Variants in PCDHA13 observed in about 807,000 individuals in gnomAD.
PCDHA13 encodes the protein protocadherin alpha-13.
In PCDHA13, 54 loss-of-function variants were observed where a neutral mutation model predicts 64.8. That is an observed-to-expected ratio of 0.83 (90% confidence interval 0.67 to 1.04). The LOEUF is 1.04. PCDHA13 is among the 50% of genes least tolerant of loss of function. The pLI is 0.00. For synonymous variants in PCDHA13, 587 were observed against 564.4 expected (o/e 1.04, Z -0.57); for missense variants, 1,248 against 1,254.3 (o/e 0.99, Z 0.08).
Position 141,010,227 on chromosome 5 carries a change from C to T in PCDHA13, c.*290C>T. 6.4e-7 allele frequency: 1 copy of T among 1,551,876 alleles called. No homozygotes were observed. The highest frequency in any genetic ancestry group is 8.7e-7 in the Non-Finnish European group (1 of 1,147,036). On this transcript the variant is annotated 3_prime_UTR_variant, in exon 4 of 4. Coordinates refer to ENST00000289272, the MANE Select transcript of PCDHA13 (RefSeq NM_018904.3). ...GCCGCAAAGGAGAGGCTTCCCAGCC[C>T]CGCCAGTGAGAGGTTGGACTCTCTG...
Position 141,010,368 on chromosome 5 carries a change from C to G in PCDHA13, c.*431C>G, listed in dbSNP as rs368481822. 3,124 of 1,471,046 alleles carry G rather than the reference C, an allele frequency of 2.1e-3. 5 individuals are homozygous for G. Among genetic ancestry groups the G allele is most frequent in the Middle Eastern group, 8.7e-3 (36 of 4,144 alleles). The allele number at this position is 1,471,046 out of a possible 1,614,324, so 91.1% of individuals were successfully genotyped here. A position where few individuals can be genotyped will look rare whatever the true frequency, so the allele number is the denominator to read the frequency against. On this transcript the variant is annotated 3_prime_UTR_variant, in exon 4 of 4. Coordinates refer to ENST00000289272, the MANE Select transcript of PCDHA13 (RefSeq NM_018904.3). ...GGTATGTGTGGCTACCGCGGGTATG[C>G]GAGTGCCAGATATTGGCTGAGACGA...
chr5:140,993,177 C>A lies in PCDHA13; in HGVS notation c.2542+10614C>A, dbSNP rs551395516. ...CTAAATATTTGCCTTTGGGAAATTTCTTTAGAGGGAAACTCACTAAAGCTA... is the reference window on the plus strand; with the variant it reads ...CTAAATATTTGCCTTTGGGAAATTTATTTAGAGGGAAACTCACTAAAGCTA... On this transcript the variant is annotated intron_variant, in intron 3 of 3. Transcript: ENST00000289272. 6.6e-5 allele frequency among the ~76,000 whole-genome samples: 10 copies of A among 152,258 alleles called. No homozygotes were observed. In the East Asian group the frequency reaches 1.9e-3, roughly 29 times the overall value.
intron 1 of PCDHA13, chr5:140,926,635 C>A: frequency 2.3e-6 from 1 of 442,720 alleles, no homozygotes; most frequent in Non-Finnish European, 3.8e-6. Context: ...CTGCGCTCCT[C>A]AACACCCGGC....
chr5:141,008,072 T>G (rs1419103459), intron 3 of PCDHA13, among the ~76,000 whole-genome samples: 3 of 152,154 alleles, frequency 2.0e-5, no homozygotes, highest in African/African-American at 7.2e-5. Context: ...TAAGAACTTA[T>G]TGGGGTTATT....
At chr5:140,892,405 T>C (rs1224393895) in intron 1 of PCDHA13, among the ~76,000 whole-genome samples, 2 of 152,206 alleles carry the variant, frequency 1.3e-5, no homozygotes, top group African/African-American at 2.4e-5. Context: ...ATTTCAAGCT[T>C]CAGGTATTCT....
chr5:140,885,792 C>T (rs2060715375), intron 1 of PCDHA13, among the ~76,000 whole-genome samples: 1 of 151,834 alleles, frequency 6.6e-6, no homozygotes, highest in Non-Finnish European at 1.5e-5. Context: ...AGCATATTGT[C>T]ATATGTATTT....
In PCDHA13 at chr5:141,003,361, G is replaced by A. The variant is rs2098120892; in HGVS notation, c.2543-6266G>A. Among the ~76,000 whole-genome samples the A allele has an allele frequency of 5.9e-5, 9 of 152,298 alleles. No individual in the cohort carries two copies. The South Asian group carries it at 1.9e-3, about 32-fold the overall frequency. On this transcript the variant is annotated intron_variant, in intron 3 of 3. Coordinates refer to ENST00000289272, the MANE Select transcript of PCDHA13 (RefSeq NM_018904.3). ...TTTGTTTGCTCTGTCACCCAGGCTG[G>A]AGTGCAGTGGTGCAATCTCAGCTCA...
intron 1 of PCDHA13, among the ~76,000 whole-genome samples, chr5:140,918,244 T>C (rs1554198493): frequency 6.6e-6 from 1 of 152,236 alleles, no homozygotes; most frequent in South Asian, 2.1e-4. Flanking sequence ...TGATTTTGTA[T>C]GCTGAAACTT....
intron 3 of PCDHA13, among the ~76,000 whole-genome samples, chr5:140,990,233 G>A (rs782139012): frequency 5.3e-5 from 8 of 152,128 alleles, no homozygotes; most frequent in Non-Finnish European, 8.8e-5. Flanking sequence ...TGTAACTAGC[G>A]TTGTATTCCT....
chr5:140,936,798 T>C (rs2091152803), intron 1 of PCDHA13, among the ~76,000 whole-genome samples: 1 of 152,240 alleles, frequency 6.6e-6, no homozygotes, highest in Admixed American at 6.5e-5. Context: ...TGCTTCAAGA[T>C]TAACTTAGCT....
intron 3 of PCDHA13, among the ~76,000 whole-genome samples, chr5:140,988,254 T>G (rs910037234): frequency 6.6e-6 from 1 of 152,188 alleles, no homozygotes; most frequent in East Asian, 1.9e-4. Context: ...AGCTCCCGCC[T>G]GTGAGTATCC....
chr5:140,882,915 A>T lies in PCDHA13; in HGVS notation c.647A>T (p.Asp216Val). Reference sequence around the variant, plus strand: ...CATAGTTTATTACTGACAGCCAGTGATGGAGGTAAACCCGAGCTGACTGGC... The same window carrying T: ...CATAGTTTATTACTGACAGCCAGTGTTGGAGGTAAACCCGAGCTGACTGGC... ...QEHSLLLTAS[D>V]GGKPELTGTV... Residue 216 changes from aspartate (D) to valine (V), a missense_variant, in exon 1 of 4, where the codon GAT becomes GTT. Coordinates refer to ENST00000289272, the MANE Select transcript of PCDHA13 (RefSeq NM_018904.3). The T allele has an allele frequency of 6.2e-7, 1 of 1,614,228 alleles. No individual in the cohort carries two copies. Among genetic ancestry groups the T allele is most frequent in the Non-Finnish European group, 8.5e-7 (1 of 1,180,038 alleles).
At chr5:140,951,626 C>G (rs1182328214) in intron 1 of PCDHA13, among the ~76,000 whole-genome samples, 1 of 152,180 alleles carries the variant, frequency 6.6e-6, no homozygotes, top group East Asian at 1.9e-4. Context: ...AAGGGGGAAA[C>G]CTGCCCCATG....
intron 2 of PCDHA13, 157 bp from the exon 3 acceptor site, chr5:140,982,318 G>C (rs2096977750): frequency 6.6e-6 from 9 of 1,356,910 alleles, no homozygotes; most frequent in Non-Finnish European, 8.8e-6. Flanking sequence ...AGTTTATGCA[G>C]GGTGACTGCT....
At chr5:140,991,648 A>G (rs2097463830) in intron 3 of PCDHA13, among the ~76,000 whole-genome samples, 1 of 152,192 alleles carries the variant, frequency 6.6e-6, no homozygotes, top group Non-Finnish European at 1.5e-5. Context: ...GTTCATGACA[A>G]TTTAGGTTTG....
chr5:140,945,539 A>G (rs1233256432), intron 1 of PCDHA13, among the ~76,000 whole-genome samples: 1 of 152,052 alleles, frequency 6.6e-6, no homozygotes, highest in Non-Finnish European at 1.5e-5. Flanking sequence ...AAACATACAA[A>G]CAAAAAAATG....
At chr5:140,966,477 T>C in intron 1 of PCDHA13, 1 of 432,754 alleles carries the variant, frequency 2.3e-6, no homozygotes, top group Non-Finnish European at 4.0e-6. Context: ...TTCTGTTTCC[T>C]TTTCCCTCCC....
At chr5:140,987,318 A>C (rs148008812) in intron 3 of PCDHA13, among the ~76,000 whole-genome samples, 3,398 of 152,304 alleles carry the variant, frequency 0.022, 70 homozygotes, top group Admixed American at 0.058. Flanking sequence ...TGTACTGTGA[A>C]GTTTTAAGAA....
At chr5:141,009,217 G>T (rs1554262066) in intron 3 of PCDHA13, among the ~76,000 whole-genome samples, 1 of 152,234 alleles carries the variant, frequency 6.6e-6, no homozygotes, top group African/African-American at 2.4e-5. Flanking sequence ...CACTTTGGGA[G>T]GCCAAGGTGG....
Sources: gnomAD v4.1 joint callset for allele counts (sites outside exome capture counted in the v4.1 genomes callset) on GRCh38, gnomAD v4.1.1 for gene constraint, MANE v1.5 for transcripts, NCBI Gene and HGNC (gene_info 2026-07-23, HGNC 2026-07-21) for gene names.